The following VRK2 variants were observed in gnomAD, a reference collection of about 807,000 sequenced individuals.
VRK2 encodes the protein serine/threonine-protein kinase VRK2.
Under a neutral mutation model 57.6 loss-of-function variants are expected in VRK2, and 60 were observed. The ratio of observed to expected loss-of-function variants is 1.04; its 90% confidence interval spans 0.85 to 1.29. VRK2 has a LOEUF of 1.29. Among genes scored for constraint, VRK2 ranks in the 50% most tolerant of loss-of-function variants. The pLI, the probability that VRK2 is intolerant of heterozygous loss-of-function variation, is 0.00. For missense variants in VRK2, 705 were observed against 588.1 expected, an observed-to-expected ratio of 1.20 and a Z score of -2.06; for synonymous variants, 231 against 199.2, an observed-to-expected ratio of 1.16 and a Z score of -1.35.
intron 2 of VRK2, among the ~76,000 whole-genome samples, chr2:58,028,903 A>AATATATATATATATATATAT (rs58729342): frequency 2.4e-4 from 13 of 54,016 alleles, no homozygotes; most frequent in African/African-American, 4.2e-4. Flanking sequence ...TAAATAAATA[A>AATATATATATATATATATAT]ATATATATAT....
chr2:58,114,095 G>C (rs1001176805), intron 7 of VRK2, among the ~76,000 whole-genome samples: 3 of 152,022 alleles, frequency 2.0e-5, no homozygotes, highest in Non-Finnish European at 4.4e-5. Context: ...CATATAGAAT[G>C]ATTGGTGATG....
chr2:58,126,805 C>T (rs1221917537), intron 8 of VRK2, among the ~76,000 whole-genome samples: 1 of 151,744 alleles, frequency 6.6e-6, no homozygotes, highest in African/African-American at 2.4e-5. Flanking sequence ...GGCTTATTGT[C>T]TGATAATTAA....
At position 58,110,760 on chromosome 2, in the gene VRK2, A is replaced by T. The variant is rs1271701604; in HGVS notation, c.544-12341A>T. ...GTTGATCTGACACTTGTGAAAGGAAAGGGAACCAGAGGCAGAATTGAGGAG... is the reference window on the plus strand; with the variant it reads ...GTTGATCTGACACTTGTGAAAGGAATGGGAACCAGAGGCAGAATTGAGGAG... On this transcript the variant is annotated intron_variant, in intron 7 of 12. Coordinates refer to ENST00000340157, the MANE Select transcript of VRK2 (RefSeq NM_006296.7). 2.0e-5 allele frequency among the ~76,000 whole-genome samples: 3 copies of T among 152,202 alleles called. No homozygotes were observed. In the South Asian group the frequency reaches 6.2e-4, roughly 31 times the overall value.
intron 1 of VRK2, among the ~76,000 whole-genome samples, chr2:57,936,090 C>T (rs182709240): frequency 6.6e-6 from 1 of 152,216 alleles, no homozygotes; most frequent in Non-Finnish European, 1.5e-5. Flanking sequence ...ATTAATGTTG[C>T]CAATCAGTAC....
At chr2:58,137,131 A>G (rs1406751868) in intron 10 of VRK2, among the ~76,000 whole-genome samples, 3 of 40,906 alleles carry the variant, frequency 7.3e-5, no homozygotes, top group Non-Finnish European at 1.6e-4. Flanking sequence ...ATGTGTATAT[A>G]TCATATATCA....
chr2:58,004,769 T>C (rs896326058), intron 1 of VRK2, among the ~76,000 whole-genome samples: 1 of 152,186 alleles, frequency 6.6e-6, no homozygotes, highest in African/African-American at 2.4e-5. Context: ...TCTGAGTACT[T>C]TCAATAAAAC....
chr2:58,075,769 T>G (rs1670016033), intron 2 of VRK2, among the ~76,000 whole-genome samples: 1 of 147,562 alleles, frequency 6.8e-6, no homozygotes, highest in African/African-American at 2.5e-5. Context: ...TCTTCTCCCA[T>G]GTTGATTAGG....
chr2:58,138,404 G>C (rs1398607630), intron 10 of VRK2, among the ~76,000 whole-genome samples: 1 of 152,052 alleles, frequency 6.6e-6, no homozygotes, highest in African/African-American at 2.4e-5. Context: ...AAAAAAACAG[G>C]TTGCATAATT....
chr2:57,937,934 C>T (rs1175024273), intron 1 of VRK2, among the ~76,000 whole-genome samples: 2 of 148,410 alleles, frequency 1.3e-5, no homozygotes, highest in South Asian at 2.1e-4. Flanking sequence ...TGGGTTCAAG[C>T]GATTCTCCTG....
At chr2:58,076,067 C>G (rs1451573252) in intron 2 of VRK2, among the ~76,000 whole-genome samples, 1 of 148,252 alleles carries the variant, frequency 6.7e-6, no homozygotes, top group African/African-American at 2.5e-5. Context: ...GTGGAAACCT[C>G]TCTTTACTTT....
At chr2:58,028,895 AATAAATAAATAT>A (rs1316568557) in intron 2 of VRK2, among the ~76,000 whole-genome samples, 18 of 57,298 alleles carry the variant, frequency 3.1e-4, no homozygotes, top group South Asian at 2.6e-3. Flanking sequence ...TAAATAAATA[AATAAATAAATAT>A]ATATATATAT....
At chr2:57,931,148 C>T (rs2678880) in intron 1 of VRK2, among the ~76,000 whole-genome samples, 97,348 of 151,756 alleles carry the variant, frequency 0.64, 31,407 homozygotes, top group African/African-American at 0.74. Context: ...TTTTTTTGTA[C>T]GTATACCCAG....
At chr2:58,076,490 G>A (rs898413243) in intron 2 of VRK2, among the ~76,000 whole-genome samples, 1 of 151,996 alleles carries the variant, frequency 6.6e-6, no homozygotes, top group Non-Finnish European at 1.5e-5. Flanking sequence ...TGAATGCACA[G>A]TGCTTTTTCA....
At chr2:58,086,535 C>T (rs969003589) in intron 5 of VRK2, 109 bp downstream of exon 5, 93 of 901,954 alleles carry the variant, frequency 1.0e-4, no homozygotes, top group Non-Finnish European at 1.5e-4. Flanking sequence ...GGCATATAAC[C>T]ACAAACTTGT....
In VRK2 at chr2:58,149,996, C is replaced by CTT. The variant is rs55783668; in HGVS notation, c.1182+3539_1182+3540dup. Among the ~76,000 whole-genome samples, 438 of 108,310 alleles carry CTT rather than the reference C, an allele frequency of 4.0e-3. 2 individuals carry two copies. The highest frequency in any genetic ancestry group is 0.015 in the Admixed American group (155 of 10,538). 71.1% of individuals were successfully genotyped at this position (108,310 alleles called of 152,430 possible). A position where few individuals can be genotyped will look rare whatever the true frequency, so the allele number is the denominator to read the frequency against. On this transcript the variant is annotated intron_variant, in intron 12 of 12. Transcript: ENST00000340157. Reference sequence around the variant, plus strand: ...TGGTCTGTAATTTTCTTTTTCTTTTCTTTTTTTTTTTTTTTTTTGCAAAGT... The same window carrying CTT: ...TGGTCTGTAATTTTCTTTTTCTTTTCTTTTTTTTTTTTTTTTTTTTGCAAAGT...
intron 7 of VRK2, 134 bp downstream of exon 7, chr2:58,089,857 C>A (rs1319286715): frequency 1.6e-6 from 1 of 614,496 alleles, no homozygotes; most frequent in Non-Finnish European, 2.9e-6. Context: ...ATCTTACCTG[C>A]TTATCTAATT....
chr2:57,929,126 T>C (rs1670636938), intron 1 of VRK2, among the ~76,000 whole-genome samples: 1 of 152,188 alleles, frequency 6.6e-6, no homozygotes, highest in African/African-American at 2.4e-5. Flanking sequence ...GCCAAGCTTG[T>C]CTCCTTGCCT....
At chr2:57,987,296 C>G (rs1452606465) in intron 1 of VRK2, among the ~76,000 whole-genome samples, 2 of 152,060 alleles carry the variant, frequency 1.3e-5, no homozygotes, top group Non-Finnish European at 2.9e-5. Context: ...ATATAAACAA[C>G]TCTCAAAACT....
intron 12 of VRK2, among the ~76,000 whole-genome samples, chr2:58,155,740 TCCCCACCG>T (rs1369782079): frequency 1.7e-5 from 2 of 114,292 alleles, no homozygotes; most frequent in African/African-American, 6.8e-5. Flanking sequence ...CCTTGCCACC[TCCCCACCG>T]CCCCCACCAT....
Sources: allele counts gnomAD v4.1 joint callset (sites outside exome capture counted in the v4.1 genomes callset), GRCh38; gene constraint gnomAD v4.1.1; transcripts MANE v1.5; gene names NCBI Gene and HGNC (gene_info 2026-07-23, HGNC 2026-07-21).